WSCD1: variants seen among roughly 807,000 people sequenced by gnomAD.
The protein encoded by WSCD1 is WSC domain sialate O sulfotransferase 1.
WSCD1 carries 41 observed loss-of-function variants against 60.4 expected under a neutral mutation model. The ratio of observed to expected loss-of-function variants is 0.68; its 90% CI spans 0.53 to 0.88. The LOEUF is 0.88. Among genes scored for constraint, WSCD1 ranks in the 40% least tolerant of loss-of-function variants. WSCD1 has a pLI of 0.00. For synonymous variants in WSCD1, 361 were observed against 332.5 expected, an observed-to-expected ratio of 1.09 and a Z score of -0.93; for missense variants, 784 against 796.2, an observed-to-expected ratio of 0.98 and a Z score of 0.18.
In WSCD1 at chr17:6,087,992, A is replaced by G. The variant is rs902224648; in HGVS notation, c.430A>G (p.Thr144Ala). 1.2e-6 allele frequency: 2 copies of G among 1,612,540 alleles called. No individual in the cohort carries two copies. Among genetic ancestry groups the G allele is most frequent in the African/African-American group, 2.7e-5 (2 of 74,904 alleles). Residue 144 changes from threonine (T) to alanine (A), a missense_variant and splice_region_variant, in exon 3 of 9, where the codon ACC becomes GCC. By Grantham distance (58) the Thr-to-Ala change is moderately conservative. Transcript: ENST00000317744. ...TAGCCATGCTTCCCTTTCTGCAGGC[A>G]CCTACATTGGATGCTTCAGTGACGA... The part of the protein sequence containing the change: ...AARPAIHSRG[T>A]YIGCFSDDGH...
chr17:6,108,468 G>A (rs1197172189), intron 5 of WSCD1, among the ~76,000 whole-genome samples: 1 of 152,142 alleles, frequency 6.6e-6, no homozygotes, highest in Non-Finnish European at 1.5e-5. Context: ...AAAGGGGCTA[G>A]TGCCTGGGGC....
chr17:6,105,927 G>C (rs190919825), intron 5 of WSCD1, among the ~76,000 whole-genome samples: 2 of 152,290 alleles, frequency 1.3e-5, no homozygotes, highest in Non-Finnish European at 2.9e-5. Flanking sequence ...CATGCCTGTG[G>C]TGCAGTTAAC....
At chr17:6,096,340 A>G (rs977901827) in intron 5 of WSCD1, among the ~76,000 whole-genome samples, 5 of 152,050 alleles carry the variant, frequency 3.3e-5, no homozygotes, top group Non-Finnish European at 7.4e-5. Flanking sequence ...ATGTGATCGG[A>G]TCTGCAGGAG....
At chr17:6,106,948 C>T (rs1247872030) in intron 5 of WSCD1, among the ~76,000 whole-genome samples, 3 of 152,194 alleles carry the variant, frequency 2.0e-5, no homozygotes, top group Non-Finnish European at 4.4e-5. Context: ...AAGGAAACCA[C>T]TGCATTCATC....
chr17:6,111,441 C>T (rs1911401294), intron 7 of WSCD1, among the ~76,000 whole-genome samples: 1 of 152,202 alleles, frequency 6.6e-6, no homozygotes, highest in Admixed American at 6.5e-5. Flanking sequence ...TGGCTCACGC[C>T]TGTAATCCTA....
rs61735454 is a variant in WSCD1, at chr17:6,081,038, C to T, written c.380C>T (p.Pro127Leu). The T allele has an allele frequency of 1.0e-3, 1,574 of 1,542,198 alleles. 10 individuals carry two copies. In the African/African-American group the frequency reaches 0.017, roughly 17 times the overall value. The change falls in exon 2 of 9, where the codon CCG becomes CTG. Residue 127 changes from proline (P) to leucine (L), a missense_variant. Transcript: ENST00000317744. ...CACTTCATGAGTGACTCCCAGGGAC[C>T]GCCCGCCCTGGGCCCCGAGGCTGCC... is the stretch of plus-strand genomic sequence containing the variant. The part of the protein sequence containing the change: ...FHHFMSDSQG[P>L]PALGPEAARP...
At position 6,120,247 on chromosome 17, in the gene WSCD1, G is replaced by A. The variant is rs916482859; in HGVS notation, c.1376-62G>A. 56 of 1,554,134 alleles carry A rather than the reference G, an allele frequency of 3.6e-5. No homozygotes were observed. The African/African-American group carries it at 5.6e-4, about 15-fold the overall frequency. On this transcript the variant is annotated intron_variant, in intron 8 of 8. Coordinates refer to ENST00000317744, the MANE Select transcript of WSCD1 (RefSeq NM_015253.2). ...ACTTCCCTCTCCCGAGCAGCCCCCC[G>A]GGGACCGGCAGCCCTGGCAGGGCCA...
chr17:6,071,617 A>C (rs1297489529), intron 1 of WSCD1, among the ~76,000 whole-genome samples: 5 of 152,234 alleles, frequency 3.3e-5, no homozygotes, highest in Non-Finnish European at 7.3e-5. Context: ...CACTTGGTTT[A>C]TCCCACTTTG....
chr17:6,106,841 C>T (rs1911113163), intron 5 of WSCD1, among the ~76,000 whole-genome samples: 1 of 151,960 alleles, frequency 6.6e-6, no homozygotes, highest in Admixed American at 6.6e-5. Flanking sequence ...AGGGAGAGAG[C>T]TATGAGGGTA....
intron 7 of WSCD1, 116 bp downstream of exon 7, chr17:6,111,051 A>C (rs1911380298): frequency 1.5e-6 from 2 of 1,329,032 alleles, no homozygotes; most frequent in Non-Finnish European, 2.0e-6. Flanking sequence ...AGTGTACATA[A>C]GAGTCACCTG....
chr17:6,071,438 T>C (rs1166813543), intron 1 of WSCD1, among the ~76,000 whole-genome samples: 1 of 152,114 alleles, frequency 6.6e-6, no homozygotes, highest in Non-Finnish European at 1.5e-5. Context: ...GGAAGGCTCA[T>C]ATAGGAGTTC....
At position 6,120,558 on chromosome 17, in the gene WSCD1, C is replaced by T; in HGVS notation, c.1625C>T (p.Thr542Ile). 6.2e-7 allele frequency: 1 copy of T among 1,613,806 alleles called. No homozygotes were observed. The highest frequency in any genetic ancestry group is 8.5e-7 in the Non-Finnish European group (1 of 1,180,008). The stretch of plus-strand genomic sequence containing the variant: ...CGCTCCCACGACCCTGAGCCCTTCA[C>T]CCCGGAGATGAAAGACTTGATCAAT... ...GRRSHDPEPF[T>I]PEMKDLINGY... Residue 542 changes from threonine to isoleucine, a missense_variant, in exon 9 of 9, where the codon ACC becomes ATC. Thr to Ile is a moderately conservative substitution (Grantham distance 89). Coordinates refer to ENST00000317744, the MANE Select transcript of WSCD1 (RefSeq NM_015253.2).
chr17:6,107,289 T>C (rs1399340109), intron 5 of WSCD1, among the ~76,000 whole-genome samples: 1 of 152,064 alleles, frequency 6.6e-6, no homozygotes, highest in Non-Finnish European at 1.5e-5. Flanking sequence ...TCATCTGAGG[T>C]CAGGAGTTCA....
chr17:6,120,543 A>G lies in WSCD1; in HGVS notation c.1610A>G (p.Asp537Gly). 1 of 1,613,760 alleles carries G rather than the reference A, an allele frequency of 6.2e-7. No individual in the cohort carries two copies. Among genetic ancestry groups the G allele is most frequent in the Non-Finnish European group, 8.5e-7 (1 of 1,179,994 alleles). Residue 537 changes from aspartate (D) to glycine (G), a missense_variant, in exon 9 of 9, where the codon GAC (aspartate) becomes GGC (glycine). Physicochemically the swap from Asp to Gly is moderately conservative, Grantham distance 94 (BLOSUM62 -1). Transcript: ENST00000317744. ...SFRRRGRRSHDPEPFTPEMKD... is the reference protein window; with the variant it reads ...SFRRRGRRSHGPEPFTPEMKD... ...CGGCGGCGCGGCCGGCGCTCCCACG[A>G]CCCTGAGCCCTTCACCCCGGAGATG...
At chr17:6,094,214 G>A (rs550364141) in intron 4 of WSCD1, among the ~76,000 whole-genome samples, 1 of 152,320 alleles carries the variant, frequency 6.6e-6, no homozygotes, top group African/African-American at 2.4e-5. Context: ...AGCCAGCTAG[G>A]GCACTGGACT....
intron 2 of WSCD1, among the ~76,000 whole-genome samples, chr17:6,087,025 C>T (rs936894994): frequency 3.9e-5 from 6 of 152,136 alleles, no homozygotes; most frequent in African/African-American, 1.2e-4. Flanking sequence ...AGACGTGCAG[C>T]GTGTTTATCA....
chr17:6,083,857 G>A lies in WSCD1; in HGVS notation c.427+2772G>A, dbSNP rs574525789. ...GAGGGCTCAGCCCTGACTGCAGAGT[G>A]TATATGTCTCAGGGAACCAGTGAGC... On this transcript the variant is annotated intron_variant, in intron 2 of 8. Transcript: ENST00000317744. Among the ~76,000 whole-genome samples, 15 of 152,264 alleles carry A rather than the reference G, an allele frequency of 9.9e-5. No individual in the cohort carries two copies. In the South Asian group the frequency reaches 2.9e-3, roughly 30 times the overall value.
chr17:6,120,797 C>G lies in WSCD1; in HGVS notation c.*136C>G, dbSNP rs572089868. ...GGGGGCTCACCCTGGTGCTGCCTCC[C>G]GCACAAGGAGACCTGGACACAACAG... On this transcript the variant is annotated 3_prime_UTR_variant, in exon 9 of 9. Transcript: ENST00000317744. The G allele has an allele frequency of 2.6e-5, 23 of 875,924 alleles. No individual in the cohort carries two copies. The highest frequency in any genetic ancestry group is 2.5e-4 in the African/African-American group (15 of 59,002). The allele number at this position is 875,924 out of a possible 1,614,324, so 54.3% of individuals were successfully genotyped here. A position where few individuals can be genotyped will look rare whatever the true frequency, so the allele number is the denominator to read the frequency against.
At chr17:6,069,422 TGTGTGTGAGAGAGAGA>T (rs1324039213), upstream of WSCD1, 99 of 318,154 alleles carry the variant, frequency 3.1e-4, no homozygotes, top group Non-Finnish European at 4.3e-4. Flanking sequence ...TGTGTGTGTG[TGTGTGTGAGAGAGAGA>T]GAGAGAGAGA....
Sources: allele counts gnomAD v4.1 joint callset (sites outside exome capture counted in the v4.1 genomes callset), GRCh38; gene constraint gnomAD v4.1.1; transcripts MANE v1.5; gene names NCBI Gene and HGNC (gene_info 2026-07-23, HGNC 2026-07-21).